Variants in WFDC8 observed in about 807,000 individuals in gnomAD.
WFDC8 encodes WAP four-disulfide core domain 8.
WFDC8 carries 24 observed loss-of-function variants against 27.0 expected under a neutral mutation model. The ratio of observed to expected loss-of-function variants is 0.89; its 90% CI spans 0.64 to 1.25. WFDC8 has a LOEUF of 1.25. Among genes scored for constraint, WFDC8 ranks in the 50% most tolerant of loss-of-function variants. The pLI is 0.00. For synonymous variants in WFDC8, 106 were observed against 99.7 expected, an observed-to-expected ratio of 1.06 and a Z score of -0.38; for missense variants, 287 against 295.9, an observed-to-expected ratio of 0.97 and a Z score of 0.22.
intron 1 of WFDC8, among the ~76,000 whole-genome samples, chr20:45,577,882 C>G (rs986500809): frequency 6.7e-6 from 1 of 149,516 alleles, no homozygotes; most frequent in African/African-American, 2.4e-5. Context: ...TGGTGCACAC[C>G]TGTAGTCCCA....
chr20:45,564,487 C>T (rs552863207), intron 1 of WFDC8, among the ~76,000 whole-genome samples: 2 of 152,118 alleles, frequency 1.3e-5, no homozygotes, highest in Admixed American at 6.5e-5. Context: ...CTGGCTAACA[C>T]GGTGAAATCC....
At chr20:45,562,066 T>G (rs3817887) in intron 2 of WFDC8, 44 bp downstream of exon 2, 624,506 of 1,567,132 alleles carry the variant, frequency 0.4, 129,614 homozygotes, top group Non-Finnish European at 0.43. Flanking sequence ...TCATCCCCAA[T>G]AATGCTTTCT....
chr20:45,566,780 A>G lies in WFDC8; in HGVS notation c.27-4561T>C. On this transcript the variant is annotated intron_variant, in intron 1 of 5. Coordinates refer to ENST00000289953, the MANE Select transcript of WFDC8 (RefSeq NM_130896.3). ...CAATAGTTGACAAAAAGGCAAATAA[A>G]TAAGTAACTTTAGTTTAAAATACAG... Among the ~76,000 whole-genome samples, 2 of 152,274 alleles carry G rather than the reference A, an allele frequency of 1.3e-5. 1 individual carries two copies. The highest frequency in any genetic ancestry group is 2.9e-5 in the Non-Finnish European group (2 of 68,048).
intron 2 of WFDC8, 27 bp from the exon 3 acceptor site, chr20:45,559,019 C>T: frequency 6.2e-7 from 1 of 1,611,862 alleles, no homozygotes; most frequent in Non-Finnish European, 8.5e-7. Context: ...TCCAAACTCA[C>T]ATTCTTTCGG....
At chr20:45,571,848 T>C (rs1348194844) in intron 1 of WFDC8, among the ~76,000 whole-genome samples, 1 of 152,234 alleles carries the variant, frequency 6.6e-6, no homozygotes, top group Non-Finnish European at 1.5e-5. Flanking sequence ...TCATTGTGTA[T>C]ATATACCACT....
intron 5 of WFDC8, among the ~76,000 whole-genome samples, chr20:45,552,822 G>T (rs1045410372): frequency 2.0e-5 from 3 of 152,186 alleles, no homozygotes; most frequent in African/African-American, 7.2e-5. Flanking sequence ...ACACCTCATG[G>T]TTATGAATTT....
At chr20:45,565,099 AGAAGGAAAGAAG>A (rs1980631589) in intron 1 of WFDC8, among the ~76,000 whole-genome samples, 1 of 150,068 alleles carries the variant, frequency 6.7e-6, no homozygotes, top group Non-Finnish European at 1.5e-5. Context: ...AGGGAGGGAA[AGAAGGAAAGAAG>A]GAAGGAGAGA....
At chr20:45,558,215 G>A (rs551066897) in intron 3 of WFDC8, among the ~76,000 whole-genome samples, 3 of 152,186 alleles carry the variant, frequency 2.0e-5, no homozygotes, top group South Asian at 2.1e-4. Flanking sequence ...ACCCTCCCCC[G>A]AATTACCCAA....
chr20:45,571,635 C>G (rs1980872293), intron 1 of WFDC8, among the ~76,000 whole-genome samples: 1 of 152,184 alleles, frequency 6.6e-6, no homozygotes, highest in African/African-American at 2.4e-5. Context: ...TACACTCCAC[C>G]CTGACCCCTG....
Position 45,561,240 on chromosome 20 carries a change from C to T in WFDC8, c.136+870G>A, listed in dbSNP as rs539922015. On this transcript the variant is annotated intron_variant, in intron 2 of 5. Coordinates refer to ENST00000289953, the MANE Select transcript of WFDC8 (RefSeq NM_130896.3). Reference sequence around the variant, plus strand: ...AGCTGTCTTCTGACATTACTTGACACATACTTCCTGGGTAATCCCACTCGT... The same window carrying T: ...AGCTGTCTTCTGACATTACTTGACATATACTTCCTGGGTAATCCCACTCGT... Among the ~76,000 whole-genome samples the T allele has an allele frequency of 3.9e-5, 6 of 152,318 alleles. No individual in the cohort carries two copies. The South Asian group carries it at 1.2e-3, about 32-fold the overall frequency.
At chr20:45,577,396 T>C (rs1789036231) in intron 1 of WFDC8, among the ~76,000 whole-genome samples, 1 of 150,594 alleles carries the variant, frequency 6.6e-6, no homozygotes, top group African/African-American at 2.4e-5. Flanking sequence ...ATATATTACA[T>C]AAGGTGTCTT....
At chr20:45,555,896 A>G in intron 3 of WFDC8, 28 bp from the exon 4 acceptor site, 1 of 1,608,418 alleles carries the variant, frequency 6.2e-7, no homozygotes, top group South Asian at 1.1e-5. Flanking sequence ...GGAAAGAAGG[A>G]TATGAAGAGT....
chr20:45,558,762 T>G (rs1980358032), intron 3 of WFDC8, 90 bp downstream of exon 3: 6 of 1,518,568 alleles, frequency 4.0e-6, no homozygotes, highest in Admixed American at 1.8e-5. Flanking sequence ...AGGCCCTGGG[T>G]CCTTGTCCTG....
At chr20:45,574,511 A>T (rs1980977576) in intron 1 of WFDC8, among the ~76,000 whole-genome samples, 1 of 152,160 alleles carries the variant, frequency 6.6e-6, no homozygotes, top group African/African-American at 2.4e-5. Context: ...AGGATCATTC[A>T]CAGCCAAGCA....
intron 1 of WFDC8, among the ~76,000 whole-genome samples, chr20:45,571,647 C>A (rs1980872851): frequency 6.6e-6 from 1 of 152,180 alleles, no homozygotes; most frequent in African/African-American, 2.4e-5. Context: ...TGACCCCTGG[C>A]AACGGCCTCT....
intron 1 of WFDC8, among the ~76,000 whole-genome samples, chr20:45,563,500 T>C (rs1980543670): frequency 6.6e-6 from 1 of 152,190 alleles, no homozygotes; most frequent in Non-Finnish European, 1.5e-5. Flanking sequence ...CAATTTGTCA[T>C]AAAGGAAACA....
intron 1 of WFDC8, among the ~76,000 whole-genome samples, chr20:45,575,115 C>T (rs950911960): frequency 2.0e-5 from 3 of 152,110 alleles, no homozygotes; most frequent in African/African-American, 7.2e-5. Flanking sequence ...AGGAACAAGA[C>T]GAGAATGCCA....
chr20:45,562,006 A>T, intron 2 of WFDC8, 104 bp downstream of exon 2: 1 of 1,045,458 alleles, frequency 9.6e-7, no homozygotes. Flanking sequence ...CCCCAAATCC[A>T]CAGTAGAGGG....
intron 2 of WFDC8, 114 bp downstream of exon 2, chr20:45,561,996 C>G (rs1980488083): frequency 1.1e-6 from 1 of 933,392 alleles, no homozygotes; most frequent in Non-Finnish European, 1.6e-6. Context: ...CTTTCTGTGG[C>G]CCCAAATCCA....
Sources: allele counts gnomAD v4.1 joint callset (sites outside exome capture counted in the v4.1 genomes callset), GRCh38; gene constraint gnomAD v4.1.1; transcripts MANE v1.5; gene names NCBI Gene and HGNC (gene_info 2026-07-23, HGNC 2026-07-21).